POLQ: variants seen among roughly 807,000 people sequenced by gnomAD.
The protein encoded by POLQ is DNA polymerase theta, also known as epididymis secretory sperm binding protein.
A neutral mutation model predicts 259.2 loss-of-function variants in POLQ; 233 were observed. The observed-to-expected ratio is 0.90, with a 90% CI of 0.81 to 1.00. The LOEUF (loss-of-function observed/expected upper bound fraction) is 1.00, where lower values mean the gene tolerates loss of function less well. POLQ is among the 50% of genes least tolerant of loss of function. POLQ has a pLI of 0.00. For missense variants in POLQ, 2,871 were observed against 3,051.6 expected (o/e 0.94, Z 1.39); for synonymous variants, 1,025 against 1,048.8 (o/e 0.98, Z 0.44).
rs61734794 is a variant in POLQ, at chr3:121,487,581, C to A, written c.5350G>T (p.Asp1784Tyr). Residue 1784 changes from aspartate to tyrosine, a missense_variant, in exon 16 of 30, where the codon GAT (aspartate) becomes TAT (tyrosine). Asp to Tyr is a radical substitution (Grantham distance 160). This residue lies in a region of POLQ where 2,080 missense variants were observed against 2,126.0 expected (regional missense o/e 0.98). Coordinates refer to ENST00000264233, the MANE Select transcript of POLQ (RefSeq NM_199420.4). ...CCATTTCTACTCCCTGGACTTAAAT[C>A]GTGGTTTTTAATATCTGAAGGTGAG... is the stretch of plus-strand genomic sequence containing the variant. The part of the protein sequence containing the change: ...FGSPSDIKNH[D>Y]LSPGSRNGFK... 5,844 of 1,613,984 alleles carry A rather than the reference C, an allele frequency of 3.6e-3. 156 individuals carry two copies. In the African/African-American group the frequency reaches 0.061, roughly 17 times the overall value.
chr3:121,436,306 A>C, intron 27 of POLQ, 31 bp from the exon 28 acceptor site: 1 of 1,608,834 alleles, frequency 6.2e-7, no homozygotes, highest in Non-Finnish European at 8.5e-7. Context: ...GTGCTCCACC[A>C]GATATGCCAA....
Position 121,472,038 on chromosome 3 carries a change from GA to G in POLQ, c.6669del (p.Gly2225GlufsTer18). On this transcript the variant is annotated frameshift_variant, in exon 22 of 30. Transcript: ENST00000264233. LOFTEE classifies it high-confidence loss of function. The stretch of plus-strand genomic sequence containing the variant: ...ACAGGATAGATTCTTTCCATTCCAA[GA>G]AAAGGATTAAGACACTTTTCCCGCT... ...PLQREKCLNP[F>X]LGMERIYPVS... 3 of 1,579,322 alleles carry G rather than the reference GA, an allele frequency of 1.9e-6. No homozygotes were observed. Among genetic ancestry groups the G allele is most frequent in the South Asian group, 1.2e-5 (1 of 86,178 alleles).
At position 121,489,204 on chromosome 3, in the gene POLQ, T is replaced by A. The variant is rs1346256714; in HGVS notation, c.3727A>T (p.Asn1243Tyr). ...VTINCERIKL[N>Y]TEENKPSHFQ... ...TGACTTGGTTTATTTTCCTCTGTAT[T>A]AAGCTTTATCCTTTCACAATTGATA... The change falls in exon 16 of 30, where the codon AAT becomes TAT. Residue 1243 changes from asparagine (N) to tyrosine (Y), a missense_variant. Asn to Tyr is a moderately radical substitution (Grantham distance 143). Coordinates refer to ENST00000264233, the MANE Select transcript of POLQ (RefSeq NM_199420.4). 6.2e-7 allele frequency: 1 copy of A among 1,612,912 alleles called. No homozygotes were observed. The highest frequency in any genetic ancestry group is 8.5e-7 in the Non-Finnish European group (1 of 1,179,590).
chr3:121,454,626 G>A (rs1445028398), intron 25 of POLQ, among the ~76,000 whole-genome samples: 1 of 152,120 alleles, frequency 6.6e-6, no homozygotes, highest in Non-Finnish European at 1.5e-5. Context: ...AAGATCAAAA[G>A]AGACAAAGAA....
At chr3:121,538,573 T>A in intron 4 of POLQ, among the ~76,000 whole-genome samples, 1 of 144,964 alleles carries the variant, frequency 6.9e-6, no homozygotes. Flanking sequence ...TAGCACTTAC[T>A]CATTCATTCA....
intron 14 of POLQ, chr3:121,494,647 T>C: frequency 6.6e-7 from 1 of 1,525,138 alleles, no homozygotes; most frequent in Non-Finnish European, 9.0e-7. Flanking sequence ...TGGGGGTCCC[T>C]TACTGCATTA....
At chr3:121,459,385 T>TTTG (rs2047771589) in intron 25 of POLQ, among the ~76,000 whole-genome samples, 1 of 143,876 alleles carries the variant, frequency 7.0e-6, no homozygotes, top group South Asian at 2.4e-4. Flanking sequence ...TTTTTTTTTT[T>TTTG]TTTTTTTGTT....
Position 121,509,948 on chromosome 3 carries a change from C to T in POLQ, c.1816+91G>A, listed in dbSNP as rs189197368. 3.1e-3 allele frequency: 3,308 copies of T among 1,082,964 alleles called. 12 individuals carry two copies. The highest frequency in any genetic ancestry group is 4.2e-3 in the Non-Finnish European group (3,038 of 724,680). The allele number at this position is 1,082,964 out of a possible 1,614,324, so 67.1% of individuals were successfully genotyped here. A position where few individuals can be genotyped will look rare whatever the true frequency, so the allele number is the denominator to read the frequency against. On this transcript the variant is annotated intron_variant, in intron 11 of 29. Coordinates refer to ENST00000264233, the MANE Select transcript of POLQ (RefSeq NM_199420.4). ...AAAAAATCAAATTCCTTTTATACTACATGAAAAGACAATTTCCATTCACTG... is the reference window on the plus strand; with the variant it reads ...AAAAAATCAAATTCCTTTTATACTATATGAAAAGACAATTTCCATTCACTG...
rs546382073 is a variant in POLQ at position 121,443,018 on chromosome 3, C to T, written c.7265-2902G>A. 1.2e-4 allele frequency among the ~76,000 whole-genome samples: 18 copies of T among 152,168 alleles called. No individual in the cohort carries two copies. In the East Asian group the frequency reaches 1.7e-3, roughly 15 times the overall value. ...GGATACAGGTGCCCACTACCATGCC[C>T]GGCTAATTTTTGTATATTTAGTAGA... is the stretch of plus-strand genomic sequence containing the variant. On this transcript the variant is annotated intron_variant, in intron 26 of 29. Transcript: ENST00000264233.
rs535040164 is a variant in POLQ, at chr3:121,527,733, C to CT, written c.1108+1911dup. 9.4e-4 allele frequency among the ~76,000 whole-genome samples: 143 copies of CT among 152,356 alleles called. 1 individual carries two copies. The highest frequency in any genetic ancestry group is 3.1e-3 in the African/African-American group (127 of 41,584). ...TTTTTCTTAGAATGCCACTACTTTT[C>CT]TCTGCTTCTTCGGAACACTTCCAGC... On this transcript the variant is annotated intron_variant, in intron 7 of 29. Coordinates refer to ENST00000264233, the MANE Select transcript of POLQ (RefSeq NM_199420.4).
At chr3:121,505,486 C>T (rs2048201458) in intron 12 of POLQ, among the ~76,000 whole-genome samples, 1 of 151,662 alleles carries the variant, frequency 6.6e-6, no homozygotes, top group Admixed American at 6.6e-5. Flanking sequence ...ATCAGTCAAA[C>T]TGGTCTTTTG....
At chr3:121,442,798 G>T (rs1447988366) in intron 26 of POLQ, among the ~76,000 whole-genome samples, 1 of 152,114 alleles carries the variant, frequency 6.6e-6, no homozygotes, top group Non-Finnish European at 1.5e-5. Context: ...CCTTTCTTTT[G>T]GGTATGTACC....
chr3:121,472,889 G>A (rs1008797421), intron 21 of POLQ, among the ~76,000 whole-genome samples: 1 of 152,116 alleles, frequency 6.6e-6, no homozygotes, highest in Admixed American at 6.5e-5. Flanking sequence ...AGTTTCCATG[G>A]ATTATGATTA....
Position 121,490,123 on chromosome 3 carries a change from T to C in POLQ, c.2808A>G (p.Ser936=), listed in dbSNP as rs144835946. ...TAAATATTGTGTTACTTTTGTTCTTTGATGTTAATTTTTTATAAGAACTCT... is the reference window on the plus strand; with the variant it reads ...TAAATATTGTGTTACTTTTGTTCTTCGATGTTAATTTTTTATAAGAACTCT... ...QTKSSYKKLT[S]KNKSNTIFSD... is the part of the protein sequence containing the mutation. Residue 936 remains serine, a synonymous_variant, in exon 16 of 30, where the codon TCA becomes TCG. Coordinates refer to ENST00000264233, the MANE Select transcript of POLQ (RefSeq NM_199420.4). 2.0e-4 allele frequency: 324 copies of C among 1,607,040 alleles called. 2 individuals are homozygous for C. Among genetic ancestry groups the C allele is most frequent in the Non-Finnish European group, 4.6e-5 (54 of 1,175,242 alleles).
intron 15 of POLQ, among the ~76,000 whole-genome samples, chr3:121,491,346 C>CAAAAAAAAAAAA (rs3045625): frequency 3.2e-4 from 25 of 77,988 alleles, no homozygotes; most frequent in South Asian, 4.5e-4. Flanking sequence ...GAGACTGTCA[C>CAAAAAAAAAAAA]AAAAAAAAAA....
At chr3:121,454,226 A>T in intron 25 of POLQ, among the ~76,000 whole-genome samples, 1 of 152,216 alleles carries the variant, frequency 6.6e-6, no homozygotes, top group East Asian at 1.9e-4. Context: ...AGAGCTCCTG[A>T]AGGAAGCACT....
intron 28 of POLQ, among the ~76,000 whole-genome samples, chr3:121,434,191 G>C (rs544912182): frequency 2.4e-4 from 37 of 152,296 alleles, no homozygotes; most frequent in South Asian, 2.3e-3. Context: ...TGATGCTCTT[G>C]TTCCCCATAT....
chr3:121,470,208 G>A (rs1255442900), intron 22 of POLQ, among the ~76,000 whole-genome samples: 1 of 152,026 alleles, frequency 6.6e-6, no homozygotes, highest in Non-Finnish European at 1.5e-5. Context: ...GCAGTGAGCC[G>A]AGATCACGCC....
chr3:121,475,278 G>T (rs1029665395), intron 20 of POLQ, among the ~76,000 whole-genome samples: 3 of 152,112 alleles, frequency 2.0e-5, no homozygotes, highest in Non-Finnish European at 2.9e-5. Flanking sequence ...AACTTCATTG[G>T]ATTCCACATA....
Sources: allele counts gnomAD v4.1 joint callset (sites outside exome capture counted in the v4.1 genomes callset), GRCh38; gene constraint gnomAD v4.1.1; regional missense constraint gnomAD v4.1.1; transcripts MANE v1.5; gene names NCBI Gene and HGNC (gene_info 2026-07-23, HGNC 2026-07-21).